ADCY7: variants seen among roughly 807,000 people sequenced by gnomAD.
The protein encoded by ADCY7 is adenylate cyclase 7.
ADCY7 carries 72 observed loss-of-function variants against 120.6 expected under a neutral mutation model. That is an observed-to-expected ratio of 0.60 (90% CI 0.49 to 0.73). The LOEUF (loss-of-function observed/expected upper bound fraction) is 0.73, where lower values mean the gene tolerates loss of function less well. Ranked by LOEUF, ADCY7 falls within the 30% of genes least tolerant of loss-of-function variation. ADCY7 has a pLI of 0.00. For synonymous variants in ADCY7, 661 were observed against 628.0 expected (o/e 1.05, Z -0.78); for missense variants, 1,227 against 1,486.0 (o/e 0.83, Z 2.87).
At chr16:50,309,223 C>G (rs536801926) in intron 17 of ADCY7, 2 of 368,430 alleles carry the variant, frequency 5.4e-6, no homozygotes, top group African/African-American at 4.2e-5. Flanking sequence ...CTCTCTGCCC[C>G]GGACCCTGGG....
rs541706751 is a variant in ADCY7, at chr16:50,291,870, G to A, written c.510G>A (p.Thr170=). 13 of 1,613,406 alleles carry A rather than the reference G, an allele frequency of 8.1e-6. No homozygotes were observed. Among genetic ancestry groups the A allele is most frequent in the Admixed American group, 6.7e-5 (4 of 59,970 alleles). ...LVLGSLMGGF[T]TPSVRVGLQL... ...TCGGTTCTTTGATGGGAGGCTTCACGACACCCAGTGTCCGGGTGGGGCTGC... is the reference window on the plus strand; with the variant it reads ...TCGGTTCTTTGATGGGAGGCTTCACAACACCCAGTGTCCGGGTGGGGCTGC... Residue 170 remains threonine, a synonymous_variant, in exon 4 of 26, where the codon ACG becomes ACA. Coordinates refer to ENST00000673801, the MANE Select transcript of ADCY7 (RefSeq NM_001114.5).
rs949881785 is a variant in ADCY7 at position 50,282,689 on chromosome 16, G to A, written c.-268-5223G>A. ...GCCCCATGAGGGTGATAGGGACCCC[G>A]GATATCCTGTGTTTAAATCCCAGCT... On this transcript the variant is annotated intron_variant, in intron 1 of 25. Transcript: ENST00000673801. Among the ~76,000 whole-genome samples the A allele has an allele frequency of 8.3e-4, 126 of 151,776 alleles. 2 individuals are homozygous for A. The highest frequency in any genetic ancestry group is 3.1e-4 in the Non-Finnish European group (21 of 67,964).
chr16:50,286,939 A>G (rs375005143), intron 1 of ADCY7, among the ~76,000 whole-genome samples: 10 of 152,168 alleles, frequency 6.6e-5, no homozygotes, highest in African/African-American at 2.2e-4. Context: ...GCTGGCCTGT[A>G]GAAGCTTCTG....
At chr16:50,299,636 T>C (rs1413904215) in intron 8 of ADCY7, among the ~76,000 whole-genome samples, 3 of 152,240 alleles carry the variant, frequency 2.0e-5, no homozygotes, top group South Asian at 2.1e-4. Context: ...TGTTCCAGCC[T>C]GTCCTTCTCC....
In ADCY7 at chr16:50,257,228, A is replaced by C. The variant is rs1223134295; in HGVS notation, c.-64+11025A>C. Reference sequence around the variant, plus strand: ...CACCTGTACAAAACAAAACAAATGCAAAAGACCACCACCAACAAAAAAATC... The same window carrying C: ...CACCTGTACAAAACAAAACAAATGCCAAAGACCACCACCAACAAAAAAATC... On this transcript the variant is annotated intron_variant, in intron 1 of 4. Coordinates refer to the ADCY7 transcript ENST00000564044. 1.3e-5 allele frequency among the ~76,000 whole-genome samples: 2 copies of C among 152,062 alleles called. 1 individual carries two copies. Among genetic ancestry groups the C allele is most frequent in the Non-Finnish European group, 2.9e-5 (2 of 68,008 alleles).
rs1373697423 is a variant in ADCY7 at position 50,317,795 on chromosome 16, T to C, written c.*2290T>C. 3 of 152,344 alleles carry C rather than the reference T, an allele frequency of 2.0e-5. No homozygotes were observed. Among genetic ancestry groups the C allele is most frequent in the Non-Finnish European group, 4.4e-5 (3 of 68,026 alleles). 9.4% of individuals were successfully genotyped at this position (152,344 alleles called of 1,614,324 possible). ...ACGTATCTAACAAACAAACAAACAG[T>C]GACCTTCTCCATGGGTCAAGGACTT... On this transcript the variant is annotated 3_prime_UTR_variant, in exon 26 of 26. Coordinates refer to ENST00000673801, the MANE Select transcript of ADCY7 (RefSeq NM_001114.5).
At position 50,317,312 on chromosome 16, in the gene ADCY7, T is replaced by C. The variant is rs2036848000; in HGVS notation, c.*1807T>C. 6.6e-6 allele frequency: 1 copy of C among 152,442 alleles called. No homozygotes were observed. Among genetic ancestry groups the C allele is most frequent in the Non-Finnish European group, 1.5e-5 (1 of 68,040 alleles). The allele number at this position is 152,442 out of a possible 1,614,324, so 9.4% of individuals were successfully genotyped here. A position where few individuals can be genotyped will look rare whatever the true frequency, so the allele number is the denominator to read the frequency against. On this transcript the variant is annotated 3_prime_UTR_variant, in exon 26 of 26. Coordinates refer to ENST00000673801, the MANE Select transcript of ADCY7 (RefSeq NM_001114.5). ...GCCTTTTTTACACACCAAAACTTTT[T>C]ACATGAAGGGCTGGTTTCACATGAA... is the stretch of plus-strand genomic sequence containing the variant.
chr16:50,275,234 C>G (rs979870769), intron 1 of ADCY7, among the ~76,000 whole-genome samples: 11 of 152,240 alleles, frequency 7.2e-5, no homozygotes, highest in Non-Finnish European at 1.5e-5. Flanking sequence ...GTGTCCTGGC[C>G]CACAGGCAGG....
intron 5 of ADCY7, 152 bp downstream of exon 5, chr16:50,292,977 A>G: frequency 9.8e-7 from 1 of 1,021,626 alleles, no homozygotes; most frequent in East Asian, 2.4e-5. Flanking sequence ...CCAGCAGGGT[A>G]ACCATAGCCT....
intron 1 of ADCY7, among the ~76,000 whole-genome samples, chr16:50,281,912 G>T (rs929607828): frequency 3.9e-5 from 6 of 152,230 alleles, no homozygotes; most frequent in African/African-American, 1.2e-4. Context: ...TGAAAAATCT[G>T]CCTGAGACCC....
In ADCY7 at chr16:50,314,329, TGGA is replaced by T; in HGVS notation, c.2896_2898del (p.Glu966del). 1 of 1,614,158 alleles carries T rather than the reference TGGA, an allele frequency of 6.2e-7. No homozygotes were observed. The highest frequency in any genetic ancestry group is 8.5e-7 in the Non-Finnish European group (1 of 1,180,028). Reference sequence around the variant, plus strand: ...CAGCATGCCCACATTGGTGTCATGGTGGAGTTCAGCATCGCCCTGATGAGTAAG... The same window carrying T: ...CAGCATGCCCACATTGGTGTCATGGTGTTCAGCATCGCCCTGATGAGTAAG... On this transcript the variant is annotated inframe_deletion, in exon 24 of 26. Transcript: ENST00000673801.
At chr16:50,313,114 A>G (rs1049764391) in intron 22 of ADCY7, 78 bp downstream of exon 22, 1 of 1,573,318 alleles carries the variant, frequency 6.4e-7, no homozygotes, top group Non-Finnish European at 8.7e-7. Flanking sequence ...CTGCCATCCT[A>G]AAACCCAATT....
chr16:50,265,203 G>A (rs899845064), upstream of ADCY7, among the ~76,000 whole-genome samples: 1 of 152,182 alleles, frequency 6.6e-6, no homozygotes, highest in African/African-American at 2.4e-5. Context: ...CTTTCTCCTA[G>A]TCAGTGGCTT....
chr16:50,249,143 A>G (rs1221716594), intron 1 of ADCY7, among the ~76,000 whole-genome samples: 2 of 152,166 alleles, frequency 1.3e-5, no homozygotes, highest in Non-Finnish European at 2.9e-5. Flanking sequence ...GTGTCTTAGC[A>G]AGTACTCAGG....
chr16:50,302,512 C>T (rs1169551641), intron 10 of ADCY7, among the ~76,000 whole-genome samples: 5 of 152,202 alleles, frequency 3.3e-5, no homozygotes, highest in Non-Finnish European at 5.9e-5. Flanking sequence ...GTGTTGCACG[C>T]AGTACTCAAC....
chr16:50,256,622 G>C (rs1460057787), intron 1 of ADCY7, among the ~76,000 whole-genome samples: 3 of 152,114 alleles, frequency 2.0e-5, no homozygotes, highest in African/African-American at 7.2e-5. Context: ...AGGATCACTT[G>C]AGCCCAGAAT....
chr16:50,257,359 G>T (rs2032945574), intron 1 of ADCY7, among the ~76,000 whole-genome samples: 1 of 152,140 alleles, frequency 6.6e-6, no homozygotes, highest in African/African-American at 2.4e-5. Context: ...TCAGTCAAAG[G>T]ATACAAAGTT....
chr16:50,309,530 G>A lies in ADCY7; in HGVS notation c.2062-18G>A. 1 of 1,610,394 alleles carries A rather than the reference G, an allele frequency of 6.2e-7. No homozygotes were observed. Among genetic ancestry groups the A allele is most frequent in the Non-Finnish European group, 8.5e-7 (1 of 1,176,906 alleles). On this transcript the variant is annotated intron_variant, in intron 17 of 25. Transcript: ENST00000673801. ...GCGTTCTTGTCCCTGGACTGATGGG[G>A]ACCTGTCTCCTCTACAGCCCCTGAT...
intron 1 of ADCY7, among the ~76,000 whole-genome samples, chr16:50,254,249 C>T (rs12597830): frequency 0.29 from 43,589 of 152,104 alleles, 6,855 homozygotes; most frequent in Admixed American, 0.39. Flanking sequence ...ACTCCACGCA[C>T]CCCTGCCTCC....
Sources: allele counts gnomAD v4.1 joint callset (sites outside exome capture counted in the v4.1 genomes callset), GRCh38; gene constraint gnomAD v4.1.1; transcripts MANE v1.5; gene names NCBI Gene and HGNC (gene_info 2026-07-23, HGNC 2026-07-21).